The following THPO variants were observed in gnomAD, a reference collection of about 807,000 sequenced individuals.
The protein encoded by THPO is MPL ligand.
Under a neutral mutation model 17.0 loss-of-function variants are expected in THPO, and 12 were observed. The observed-to-expected ratio is 0.71, with a 90% CI of 0.45 to 1.14. THPO has a LOEUF of 1.14. Among genes scored for constraint, THPO ranks in the 50% most tolerant of loss-of-function variants. THPO has a pLI of 0.00. For missense variants in THPO, 365 were observed against 427.5 expected (o/e 0.85, Z 1.29); for synonymous variants, 188 against 183.0 (o/e 1.03, Z -0.22).
At chr3:184,375,687 T>C in intron 3 of THPO, 86 bp from the exon 4 acceptor site, 1 of 1,465,562 alleles carries the variant, frequency 6.8e-7, no homozygotes, top group Non-Finnish European at 9.5e-7. Flanking sequence ...CCTCCATGAG[T>C]ACTATCTCTA....
In THPO at chr3:184,372,978, A is replaced by G. The variant is rs765092121; in HGVS notation, c.597T>C (p.Thr199=). The change falls in exon 6 of 6, where the codon ACT becomes ACC. Residue 199 remains threonine, a synonymous_variant. Coordinates refer to ENST00000647395, the MANE Select transcript of THPO (RefSeq NM_000460.4). ...TGAAGTTTGTCTCCAACAATCCAGA[A>G]GTCCTGTTTGGGAGCTCGTTCAGTG... is the stretch of plus-strand genomic sequence containing the variant. ...VLTLNELPNR[T]SGLLETNFTA... is the part of the protein sequence containing the mutation. 8 of 1,614,166 alleles carry G rather than the reference A, an allele frequency of 5.0e-6. No homozygotes were observed. Among genetic ancestry groups the G allele is most frequent in the Non-Finnish European group, 6.8e-6 (8 of 1,180,028 alleles).
intron 3 of THPO, 89 bp from the exon 4 acceptor site, chr3:184,375,690 T>C: frequency 1.3e-6 from 2 of 1,493,006 alleles, no homozygotes; most frequent in East Asian, 4.5e-5. Flanking sequence ...CCATGAGTAC[T>C]ATCTCTAGAC....
chr3:184,372,758 C>T lies in THPO; in HGVS notation c.817G>A (p.Asp273Asn). ...GPSRRTLGAPDISSGTSDTGS... is the reference protein window; with the variant it reads ...GPSRRTLGAPNISSGTSDTGS... ...GTGTCTGATGTTCCTGAGGAAATGT[C>T]CGGGGCTCCTAGGGTCCTGCGTGAG... Residue 273 changes from aspartate to asparagine, a missense_variant, in exon 6 of 6, where the codon GAC (aspartate) becomes AAC (asparagine). Coordinates refer to ENST00000647395, the MANE Select transcript of THPO (RefSeq NM_000460.4). 1.2e-6 allele frequency: 2 copies of T among 1,613,756 alleles called. No individual in the cohort carries two copies. Among genetic ancestry groups the T allele is most frequent in the Non-Finnish European group, 1.7e-6 (2 of 1,179,874 alleles).
At chr3:184,375,756 A>T in intron 3 of THPO, 132 bp downstream of exon 3, 1 of 1,499,368 alleles carries the variant, frequency 6.7e-7, no homozygotes, top group Admixed American at 1.7e-5. Flanking sequence ...AGAGAGTGTG[A>T]TCAGTAGGTG....
In THPO at chr3:184,376,348, T is replaced by C; in HGVS notation, c.-89A>G. 1 of 1,613,806 alleles carries C rather than the reference T, an allele frequency of 6.2e-7. No homozygotes were observed. Among genetic ancestry groups the C allele is most frequent in the Non-Finnish European group, 8.5e-7 (1 of 1,179,984 alleles). ...GGGCCATGGAGGCGGCTTAGGCTCT[T>C]GCACTTCTGGGCAGAGTAGGGTGGG... On this transcript the variant is annotated 5_prime_UTR_variant, in exon 2 of 6. Transcript: ENST00000647395.
rs2108616570 is a variant in THPO, at chr3:184,372,067, G to A, written c.*446C>T. The stretch of plus-strand genomic sequence containing the variant: ...AGAGTAAAGATCTGTTAAGAATATG[G>A]GATCAGAGTCCCACTGAGAATGATA... On this transcript the variant is annotated 3_prime_UTR_variant, in exon 6 of 6. Coordinates refer to ENST00000647395, the MANE Select transcript of THPO (RefSeq NM_000460.4). The A allele has an allele frequency of 5.3e-6, 1 of 189,140 alleles. No homozygotes were observed. The highest frequency in any genetic ancestry group is 2.7e-3 in the Middle Eastern group (1 of 374). 11.7% of individuals were successfully genotyped at this position (189,140 alleles called of 1,614,324 possible).
Position 184,373,053 on chromosome 3 carries a change from C to T in THPO, c.522G>A (p.Arg174=). Residue 174 remains arginine, a synonymous_variant, in exon 6 of 6, where the codon AGG becomes AGA. Coordinates refer to ENST00000647395, the MANE Select transcript of THPO (RefSeq NM_000460.4). ...MLVGGSTLCV[R]RAPPTTAVPS... ...GGACAGCTGTGGTGGGTGGGGCCCGCCTGACGCAGAGGGTGGACCCTCCTA... is the reference window on the plus strand; with the variant it reads ...GGACAGCTGTGGTGGGTGGGGCCCGTCTGACGCAGAGGGTGGACCCTCCTA... 6.2e-7 allele frequency: 1 copy of T among 1,614,046 alleles called. No individual in the cohort carries two copies. Among genetic ancestry groups the T allele is most frequent in the Non-Finnish European group, 8.5e-7 (1 of 1,180,006 alleles).
At chr3:184,378,667 T>A (rs1370507186), upstream of THPO, 3 of 406,684 alleles carry the variant, frequency 7.4e-6, no homozygotes, top group Non-Finnish European at 1.0e-5. Context: ...TATGGGTTGG[T>A]GTTATGGGGA....
Position 184,373,184 on chromosome 3 carries a change from G to C in THPO, c.397-6C>G, listed in dbSNP as rs1168701434. ...GTCCTGCCCTGTGGAGGAAGCTGAG[G>C]GCAGAGGATGGTCCTGAGGCCAAAC... On this transcript the variant is annotated splice_region_variant and splice_polypyrimidine_tract_variant and intron_variant, in intron 5 of 5. Transcript: ENST00000647395. 6.2e-7 allele frequency: 1 copy of C among 1,609,662 alleles called. No homozygotes were observed. The highest frequency in any genetic ancestry group is 8.5e-7 in the Non-Finnish European group (1 of 1,180,002).
rs1174332273 is a variant in THPO at position 184,372,949 on chromosome 3, G to A, written c.626C>T (p.Ala209Val). The A allele has an allele frequency of 5.0e-6, 8 of 1,613,770 alleles. No homozygotes were observed. Among genetic ancestry groups the A allele is most frequent in the Non-Finnish European group, 6.8e-6 (8 of 1,179,888 alleles). Residue 209 changes from alanine (A) to valine (V), a missense_variant, in exon 6 of 6, where the codon GCC becomes GTC. Physicochemically the swap from Ala to Val is moderately conservative, Grantham distance 64. Transcript: ENST00000647395. ...TSGLLETNFT[A>V]SARTTGSGLL... ...CCCAGAGCCAGTAGTTCTGGCTGAG[G>A]CAGTGAAGTTTGTCTCCAACAATCC...
chr3:184,374,142 C>T (rs1466684028), intron 4 of THPO, among the ~76,000 whole-genome samples: 2 of 152,268 alleles, frequency 1.3e-5, no homozygotes, highest in African/African-American at 2.4e-5. Context: ...GCAGGAGAAT[C>T]GCTTGAATCC....
At chr3:184,378,495 T>C, upstream of THPO, 2 of 707,594 alleles carry the variant, frequency 2.8e-6, no homozygotes, top group Non-Finnish European at 3.5e-6. Flanking sequence ...ACTCCCTGGC[T>C]ATCCAAATTT....
At position 184,373,401 on chromosome 3, in the gene THPO, G is replaced by A; in HGVS notation, c.396+14C>T. On this transcript the variant is annotated intron_variant, in intron 5 of 5. Coordinates refer to ENST00000647395, the MANE Select transcript of THPO (RefSeq NM_000460.4). ...AAAGAACAGTTTCTACAGATCCCTTGACTGGGGACTTACCTGGGTTCCAAG... is the reference window on the plus strand; with the variant it reads ...AAAGAACAGTTTCTACAGATCCCTTAACTGGGGACTTACCTGGGTTCCAAG... 1 of 1,613,906 alleles carries A rather than the reference G, an allele frequency of 6.2e-7. No homozygotes were observed. The highest frequency in any genetic ancestry group is 8.5e-7 in the Non-Finnish European group (1 of 1,179,908).
intron 5 of THPO, 61 bp from the exon 6 acceptor site, chr3:184,373,239 C>G: frequency 1.2e-6 from 2 of 1,601,352 alleles, no homozygotes; most frequent in Non-Finnish European, 1.7e-6. Context: ...CCTCCCTTGT[C>G]TAAGTAGGAA....
intron 1 of THPO, 34 bp downstream of exon 1, chr3:184,378,041 C>A: frequency 1.0e-6 from 1 of 985,576 alleles, no homozygotes; most frequent in South Asian, 4.7e-5. Flanking sequence ...TCCTTTCTAC[C>A]CTCACATAAC....
chr3:184,375,794 G>T (rs1714339786), intron 3 of THPO, 94 bp downstream of exon 3: 2 of 1,582,832 alleles, frequency 1.3e-6, no homozygotes, highest in Non-Finnish European at 1.7e-6. Context: ...ATAGTCATTG[G>T]GTCAAGGAGT....
chr3:184,374,086 G>A (rs1714188326), intron 4 of THPO, among the ~76,000 whole-genome samples: 1 of 152,138 alleles, frequency 6.6e-6, no homozygotes, highest in South Asian at 2.1e-4. Context: ...AAATTAGCTG[G>A]GCATGGTGGT....
At chr3:184,377,058 G>A (rs1163942952) in intron 1 of THPO, among the ~76,000 whole-genome samples, 1 of 152,124 alleles carries the variant, frequency 6.6e-6, no homozygotes, top group East Asian at 1.9e-4. Context: ...CTGGGATGGG[G>A]ATAGAGAAGG....
intron 1 of THPO, among the ~76,000 whole-genome samples, chr3:184,376,914 G>A (rs1714464650): frequency 2.6e-5 from 4 of 151,624 alleles, no homozygotes; most frequent in Admixed American, 2.6e-4. Flanking sequence ...CTTTTTGTCA[G>A]GACTCCTCAG....
Sources: gnomAD v4.1 joint callset for allele counts (sites outside exome capture counted in the v4.1 genomes callset) on GRCh38, gnomAD v4.1.1 for gene constraint, MANE v1.5 for transcripts, NCBI Gene and HGNC (gene_info 2026-07-23, HGNC 2026-07-21) for gene names.